DSTN: variants seen among roughly 807,000 people sequenced by gnomAD.
DSTN encodes destrin.
In DSTN, 10 loss-of-function variants were observed where a neutral mutation model predicts 16.8. The ratio of observed to expected loss-of-function variants is 0.60; its 90% CI spans 0.37 to 1.01. The LOEUF (loss-of-function observed/expected upper bound fraction) is 1.01, where lower values mean the gene tolerates loss of function less well. DSTN is among the 50% of genes least tolerant of loss of function. DSTN has a pLI of 0.01. For synonymous variants in DSTN, 57 were observed against 58.9 expected (o/e 0.97, Z 0.14); for missense variants, 141 against 196.7 (o/e 0.72, Z 1.69).
At chr20:17,597,739 T>A (rs1275576942) in intron 1 of DSTN, among the ~76,000 whole-genome samples, 1 of 152,200 alleles carries the variant, frequency 6.6e-6, no homozygotes, top group Admixed American at 6.5e-5. Context: ...TACAGTTCAA[T>A]TCAGTGGTTT....
rs1180751991 is a variant in DSTN, at chr20:17,608,069, A to G, written c.*923A>G. 2.0e-5 allele frequency: 3 copies of G among 152,134 alleles called. No homozygotes were observed. Among genetic ancestry groups the G allele is most frequent in the Non-Finnish European group, 4.4e-5 (3 of 68,034 alleles). The allele number at this position is 152,134 out of a possible 1,614,324, so 9.4% of individuals were successfully genotyped here. Reference sequence around the variant, plus strand: ...AGAGCAGTTTGTTGACTTGTGTGCAATGGGGAGAGGTACCATGATGACACT... The same window carrying G: ...AGAGCAGTTTGTTGACTTGTGTGCAGTGGGGAGAGGTACCATGATGACACT... On this transcript the variant is annotated 3_prime_UTR_variant, in exon 4 of 4. Transcript: ENST00000246069.
At chr20:17,571,120 T>C (rs1449260639) in intron 1 of DSTN, among the ~76,000 whole-genome samples, 3 of 152,264 alleles carry the variant, frequency 2.0e-5, no homozygotes, top group African/African-American at 7.2e-5. Flanking sequence ...TTTCCCCCTT[T>C]ACACTGTCAC....
intron 1 of DSTN, among the ~76,000 whole-genome samples, chr20:17,572,697 C>T (rs867022208): frequency 6.6e-6 from 1 of 152,306 alleles, no homozygotes; most frequent in South Asian, 2.1e-4. Flanking sequence ...CATGTATTCA[C>T]ATGCCTATTT....
In DSTN at chr20:17,609,292, C is replaced by T. The variant is rs1164353641; in HGVS notation, c.*2146C>T. 2 of 152,240 alleles carry T rather than the reference C, an allele frequency of 1.3e-5. No homozygotes were observed. Among genetic ancestry groups the T allele is most frequent in the African/African-American group, 4.8e-5 (2 of 41,448 alleles). The allele number at this position is 152,240 out of a possible 1,614,324, so 9.4% of individuals were successfully genotyped here. On this transcript the variant is annotated 3_prime_UTR_variant, in exon 4 of 4. Coordinates refer to ENST00000246069, the MANE Select transcript of DSTN (RefSeq NM_006870.4). ...AATCATAACTCACTGCATCCTTGAACTCTTGGGCTCCAGCAAGCCTCCTGC... is the reference window on the plus strand; with the variant it reads ...AATCATAACTCACTGCATCCTTGAATTCTTGGGCTCCAGCAAGCCTCCTGC...
At chr20:17,574,867 T>TTTC (rs2035257591) in intron 1 of DSTN, among the ~76,000 whole-genome samples, 3 of 117,000 alleles carry the variant, frequency 2.6e-5, no homozygotes, top group African/African-American at 3.8e-5. Flanking sequence ...TTTCTTTTCT[T>TTTC]TTGTTTTTTT....
intron 1 of DSTN, among the ~76,000 whole-genome samples, chr20:17,597,643 G>A (rs1014088471): frequency 1.3e-5 from 2 of 152,048 alleles, no homozygotes; most frequent in Non-Finnish European, 2.9e-5. Flanking sequence ...ACTGTGTCCA[G>A]GTGTACACAT....
In DSTN at chr20:17,574,568, TAA is replaced by T. The variant is rs551277765; in HGVS notation, c.3+4360_3+4361del. The stretch of plus-strand genomic sequence containing the variant: ...TGTACCTAAAACTTCTCTAAAAAAT[TAA>T]AAGTCTATAGCTGGGCGTGGTGGCA... On this transcript the variant is annotated intron_variant, in intron 1 of 3. Coordinates refer to ENST00000246069, the MANE Select transcript of DSTN (RefSeq NM_006870.4). Among the ~76,000 whole-genome samples the T allele has an allele frequency of 2.5e-3, 382 of 151,822 alleles. 1 individual carries two copies. The highest frequency in any genetic ancestry group is 9.4e-3 in the South Asian group (45 of 4,798).
intron 1 of DSTN, among the ~76,000 whole-genome samples, chr20:17,598,156 G>A (rs770275814): frequency 1.3e-5 from 2 of 152,092 alleles, no homozygotes; most frequent in Non-Finnish European, 2.9e-5. Context: ...ATGAACATTT[G>A]TGTACAGGTG....
chr20:17,580,150 T>C (rs2035326784), intron 1 of DSTN, among the ~76,000 whole-genome samples: 1 of 152,238 alleles, frequency 6.6e-6, no homozygotes, highest in Non-Finnish European at 1.5e-5. Flanking sequence ...TAATCAACTT[T>C]TTAATTTGAA....
chr20:17,579,162 G>A (rs1452850113), intron 1 of DSTN, among the ~76,000 whole-genome samples: 2 of 152,090 alleles, frequency 1.3e-5, no homozygotes, highest in Non-Finnish European at 2.9e-5. Context: ...TGCACTAACT[G>A]TATGACCTTT....
intron 1 of DSTN, among the ~76,000 whole-genome samples, chr20:17,587,647 T>C (rs2035426063): frequency 1.3e-5 from 2 of 152,140 alleles, no homozygotes; most frequent in Non-Finnish European, 2.9e-5. Context: ...TTTTTTTTTC[T>C]TTTTTTCTCT....
intron 2 of DSTN, among the ~76,000 whole-genome samples, chr20:17,601,895 G>T (rs550957811): frequency 2.0e-5 from 3 of 150,410 alleles, no homozygotes; most frequent in Admixed American, 6.6e-5. Flanking sequence ...GAATTCTTTA[G>T]TTTCTAAGGG....
chr20:17,582,488 A>G (rs577309585), intron 1 of DSTN, among the ~76,000 whole-genome samples: 1 of 152,344 alleles, frequency 6.6e-6, no homozygotes, highest in East Asian at 1.9e-4. Flanking sequence ...GAGAGTGACT[A>G]TCTGGAGACT....
chr20:17,602,762 C>G lies in DSTN; in HGVS notation c.311+1717C>G, dbSNP rs990187297. On this transcript the variant is annotated intron_variant, in intron 2 of 3. Coordinates refer to ENST00000246069, the MANE Select transcript of DSTN (RefSeq NM_006870.4). ...ACCCACTCTGCTGGGCGCAGTGACTCATGCCTGTAATCTCAGCACTTTGGG... is the reference window on the plus strand; with the variant it reads ...ACCCACTCTGCTGGGCGCAGTGACTGATGCCTGTAATCTCAGCACTTTGGG... 2.0e-5 allele frequency among the ~76,000 whole-genome samples: 3 copies of G among 152,198 alleles called. 1 individual carries two copies. The South Asian group carries it at 6.2e-4, about 31-fold the overall frequency.
At chr20:17,584,659 A>G (rs978919106) in intron 1 of DSTN, among the ~76,000 whole-genome samples, 2 of 152,026 alleles carry the variant, frequency 1.3e-5, no homozygotes, top group East Asian at 1.9e-4. Flanking sequence ...TCTCAAAAAA[A>G]AAAAAAAAAG....
intron 3 of DSTN, among the ~76,000 whole-genome samples, chr20:17,605,702 C>T (rs1215296020): frequency 6.6e-6 from 1 of 152,188 alleles, no homozygotes; most frequent in Admixed American, 6.5e-5. Context: ...AGCTTCAACA[C>T]TTTCCCAGCC....
At chr20:17,575,306 G>T (rs2035266250) in intron 1 of DSTN, among the ~76,000 whole-genome samples, 1 of 151,998 alleles carries the variant, frequency 6.6e-6, no homozygotes, top group Admixed American at 6.5e-5. Context: ...AAAAAAACTT[G>T]CAAGTCTTGA....
chr20:17,605,325 C>G, intron 3 of DSTN: 1 of 351,340 alleles, frequency 2.8e-6, no homozygotes, highest in Non-Finnish European at 5.6e-6. Flanking sequence ...CTCCATGGGC[C>G]TTGATTCTCT....
At chr20:17,582,022 G>C (rs938446596) in intron 1 of DSTN, among the ~76,000 whole-genome samples, 1 of 151,298 alleles carries the variant, frequency 6.6e-6, no homozygotes, top group Non-Finnish European at 1.5e-5. Flanking sequence ...TGTTGTTGTA[G>C]GCTCTAGAGA....
Sources: gnomAD v4.1 joint callset for allele counts (sites outside exome capture counted in the v4.1 genomes callset) on GRCh38, gnomAD v4.1.1 for gene constraint, MANE v1.5 for transcripts, NCBI Gene and HGNC (gene_info 2026-07-23, HGNC 2026-07-21) for gene names.